Variants in PLEKHG1 observed in about 807,000 individuals in gnomAD.
PLEKHG1 encodes pleckstrin homology domain-containing family G member 1.
Under a neutral mutation model 100.8 loss-of-function variants are expected in PLEKHG1, and 44 were observed. The ratio of observed to expected loss-of-function variants is 0.44; its 90% CI spans 0.34 to 0.56. PLEKHG1 has a LOEUF of 0.56. Among genes scored for constraint, PLEKHG1 ranks in the 20% least tolerant of loss-of-function variants. The pLI is 0.01. For synonymous variants in PLEKHG1, 640 were observed against 662.5 expected (o/e 0.97, Z 0.52); for missense variants, 1,545 against 1,720.9 (o/e 0.90, Z 1.81).
At position 150,652,663 on chromosome 6, in the gene PLEKHG1, T is replaced by C. The variant is rs1486089781; in HGVS notation, c.-99+1877T>C. Among the ~76,000 whole-genome samples, 10 of 148,220 alleles carry C rather than the reference T, an allele frequency of 6.7e-5. No homozygotes were observed. The East Asian group carries it at 2.0e-3, about 29-fold the overall frequency. ...TGAACCCGGGAGGCAGAGGTTGCAG[T>C]GAGCCGAGATCGCACCATTGCACTC... is the stretch of plus-strand genomic sequence containing the variant. On this transcript the variant is annotated intron_variant, in intron 3 of 3. Coordinates refer to the PLEKHG1 transcript ENST00000367326.
intron 2 of PLEKHG1, among the ~76,000 whole-genome samples, chr6:150,754,764 G>A (rs1016084252): frequency 2.6e-5 from 4 of 151,752 alleles, no homozygotes; most frequent in Non-Finnish European, 5.9e-5. Context: ...TGCCTCCAGG[G>A]TTCAAGCAGT....
chr6:150,738,447 A>T (rs763007432), intron 2 of PLEKHG1, among the ~76,000 whole-genome samples: 9 of 152,158 alleles, frequency 5.9e-5, no homozygotes, highest in Admixed American at 2.0e-4. Context: ...CTGAGAAGAG[A>T]TCCTCCTAAC....
chr6:150,659,716 T>C (rs1779110106), intron 3 of PLEKHG1, among the ~76,000 whole-genome samples: 1 of 152,232 alleles, frequency 6.6e-6, no homozygotes, highest in Non-Finnish European at 1.5e-5. Context: ...TCCAAGTTGC[T>C]GTATCAGTTA....
chr6:150,604,565 G>C (rs1411322363), intron 1 of PLEKHG1, among the ~76,000 whole-genome samples: 1 of 152,188 alleles, frequency 6.6e-6, no homozygotes, highest in African/African-American at 2.4e-5. Flanking sequence ...CTGTTTTGTA[G>C]TGTCCTTCCG....
chr6:150,719,416 C>G (rs571001492), upstream of PLEKHG1, among the ~76,000 whole-genome samples: 18 of 152,102 alleles, frequency 1.2e-4, no homozygotes, highest in Non-Finnish European at 2.5e-4. Flanking sequence ...GTATTTTATC[C>G]CATCTAAGAG....
At chr6:150,660,786 G>A (rs6899450) in intron 3 of PLEKHG1, among the ~76,000 whole-genome samples, 18,825 of 152,222 alleles carry the variant, frequency 0.12, 1,285 homozygotes, top group East Asian at 0.26. Flanking sequence ...ACCTGCCAAC[G>A]TGTGTGTTTT....
intron 10 of PLEKHG1, among the ~76,000 whole-genome samples, chr6:150,814,855 G>A (rs1056501229): frequency 6.6e-6 from 1 of 152,138 alleles, no homozygotes; most frequent in African/African-American, 2.4e-5. Flanking sequence ...GAGTAGCTGG[G>A]ACTACAGGCG....
At chr6:150,610,856 T>C (rs1217866160) in intron 1 of PLEKHG1, among the ~76,000 whole-genome samples, 1 of 152,218 alleles carries the variant, frequency 6.6e-6, no homozygotes, top group African/African-American at 2.4e-5. Flanking sequence ...TATTGTAGAG[T>C]TGCAAACTCA....
chr6:150,645,001 G>GTA (rs921334594), intron 2 of PLEKHG1, among the ~76,000 whole-genome samples: 4 of 152,084 alleles, frequency 2.6e-5, no homozygotes, highest in Admixed American at 2.0e-4. Context: ...ATTCTAAAAT[G>GTA]TATACAGAAC....
At chr6:150,709,964 T>A (rs1781185903) in intron 3 of PLEKHG1, among the ~76,000 whole-genome samples, 1 of 152,060 alleles carries the variant, frequency 6.6e-6, no homozygotes. Flanking sequence ...TTTTTTTATT[T>A]TTTTGTAGAG....
intron 3 of PLEKHG1, among the ~76,000 whole-genome samples, chr6:150,690,286 T>C (rs1226765376): frequency 6.6e-6 from 1 of 152,156 alleles, no homozygotes; most frequent in Non-Finnish European, 1.5e-5. Context: ...TTAGTGGAGA[T>C]GTGTGGGATC....
intron 3 of PLEKHG1, among the ~76,000 whole-genome samples, chr6:150,696,096 A>C (rs1473887820): frequency 6.6e-6 from 1 of 152,222 alleles, no homozygotes; most frequent in African/African-American, 2.4e-5. Flanking sequence ...CCCTAGCTCT[A>C]TATCAATGTT....
intron 2 of PLEKHG1, among the ~76,000 whole-genome samples, chr6:150,742,483 T>G (rs1385792112): frequency 1.4e-5 from 2 of 141,502 alleles, no homozygotes; most frequent in Non-Finnish European, 3.0e-5. Context: ...GAGAATCAGT[T>G]GAACCTGGGA....
At chr6:150,725,167 G>A (rs1164444981) in intron 1 of PLEKHG1, among the ~76,000 whole-genome samples, 3 of 152,134 alleles carry the variant, frequency 2.0e-5, no homozygotes, top group African/African-American at 4.8e-5. Flanking sequence ...CTCCTAGATG[G>A]TGCCCTCCTG....
chr6:150,729,081 CTG>C (rs577437207), intron 1 of PLEKHG1, among the ~76,000 whole-genome samples: 114 of 152,146 alleles, frequency 7.5e-4, no homozygotes, highest in African/African-American at 2.6e-3. Context: ...TTCAGACTGA[CTG>C]TGTTTGTTTG....
intron 3 of PLEKHG1, among the ~76,000 whole-genome samples, chr6:150,653,336 GGCCAAATTGTCCAAGGGCCACAAAA>G (rs1230831846): frequency 2.0e-5 from 3 of 152,024 alleles, no homozygotes; most frequent in African/African-American, 7.2e-5. Flanking sequence ...GGCTCACAAA[GGCCAAATTGTCCAAGGGCCACAAAA>G]GTCATCATGG....
In PLEKHG1 at chr6:150,754,472, T is replaced by C. The variant is rs150951395; in HGVS notation, c.412-14166T>C. 9.9e-4 allele frequency among the ~76,000 whole-genome samples: 151 copies of C among 152,166 alleles called. 1 individual carries two copies. In the East Asian group the frequency reaches 0.022, roughly 22 times the overall value. ...AAGTTGTGGGGAATCAGACCCACAG[T>C]AGAGAGCTGGGTTAGGATGTCCTTG... On this transcript the variant is annotated intron_variant, in intron 2 of 15. Coordinates refer to ENST00000358517, the Ensembl canonical transcript of PLEKHG1.
At chr6:150,651,741 C>T (rs1778747330) in intron 3 of PLEKHG1, 1 of 151,994 alleles carries the variant, frequency 6.6e-6, no homozygotes, top group Non-Finnish European at 1.5e-5. Context: ...TGCCTGTAAT[C>T]CCAACTACTC....
intron 2 of PLEKHG1, among the ~76,000 whole-genome samples, chr6:150,744,128 G>T (rs370878067): frequency 5.2e-4 from 79 of 152,310 alleles, no homozygotes; most frequent in African/African-American, 1.7e-3. Flanking sequence ...AGGTTGGAGT[G>T]CAGTGGCACA....
Sources: allele counts gnomAD v4.1 joint callset (sites outside exome capture counted in the v4.1 genomes callset), GRCh38; gene constraint gnomAD v4.1.1; transcripts MANE v1.5; gene names NCBI Gene and HGNC (gene_info 2026-07-23, HGNC 2026-07-21).